The following ZNRF2 variants were observed in gnomAD, a reference collection of about 807,000 sequenced individuals.
The protein encoded by ZNRF2 is E3 ubiquitin-protein ligase ZNRF2.
Under a neutral mutation model 20.4 loss-of-function variants are expected in ZNRF2, and 16 were observed. The ratio of observed to expected loss-of-function variants is 0.79; its 90% CI spans 0.53 to 1.19. The LOEUF is 1.19. Ranked by LOEUF, ZNRF2 falls within the 50% of genes most tolerant of loss-of-function variation. ZNRF2 has a pLI of 0.00. For missense variants in ZNRF2, 363 were observed against 332.4 expected (o/e 1.09, Z -0.72); for synonymous variants, 178 against 144.9 (o/e 1.23, Z -1.64).
intron 2 of ZNRF2, among the ~76,000 whole-genome samples, chr7:30,345,609 C>G (rs546602731): frequency 1.3e-5 from 2 of 152,016 alleles, no homozygotes; most frequent in South Asian, 2.1e-4. Context: ...TTCCTTTCCT[C>G]CAGATTAATT....
At chr7:30,357,432 A>G (rs372986154) in intron 3 of ZNRF2, among the ~76,000 whole-genome samples, 6 of 152,232 alleles carry the variant, frequency 3.9e-5, no homozygotes, top group African/African-American at 1.4e-4. Context: ...TCAGAACTGA[A>G]TAACAGTGAT....
At chr7:30,285,896 A>G (rs1355203505) in intron 1 of ZNRF2, 70 bp downstream of exon 1, 4 of 1,358,618 alleles carry the variant, frequency 2.9e-6, no homozygotes, top group South Asian at 1.8e-5. Flanking sequence ...GCCGCCGGCT[A>G]TTTTTACCCT....
chr7:30,357,622 A>C (rs1207544218), intron 3 of ZNRF2, among the ~76,000 whole-genome samples: 1 of 152,168 alleles, frequency 6.6e-6, no homozygotes, highest in Non-Finnish European at 1.5e-5. Flanking sequence ...TTAAAATGAC[A>C]CACTAGAGAC....
Position 30,355,461 on chromosome 7 carries a change from A to G in ZNRF2, c.566-267A>G, listed in dbSNP as rs190753257. Among the ~76,000 whole-genome samples, 12 of 152,318 alleles carry G rather than the reference A, an allele frequency of 7.9e-5. No homozygotes were observed. In the East Asian group the frequency reaches 2.3e-3, roughly 29 times the overall value. The stretch of plus-strand genomic sequence containing the variant: ...AAAGTTATAGAGCAAAATCTGCCCA[A>G]TTTGGGTGATTCTGTACTGTTTTTG... On this transcript the variant is annotated intron_variant, in intron 2 of 4. Transcript: ENST00000323037.
At chr7:30,355,942 C>A in intron 3 of ZNRF2, 109 bp downstream of exon 3, 2 of 672,960 alleles carry the variant, frequency 3.0e-6, no homozygotes, top group South Asian at 2.0e-5. Context: ...CCCTGTCTCA[C>A]ACACACTTCT....
rs867226780 is a variant in ZNRF2 at position 30,301,329 on chromosome 7, A to G, written c.469+15503A>G. 3.9e-5 allele frequency among the ~76,000 whole-genome samples: 6 copies of G among 152,226 alleles called. No homozygotes were observed. In the Middle Eastern group the frequency reaches 0.01, roughly 259 times the overall value. Reference sequence around the variant, plus strand: ...GAAACCCCTTCTCTACTAAAATTATAAAAATCAGCTGGGTGTGGTGGCACA... The same window carrying G: ...GAAACCCCTTCTCTACTAAAATTATGAAAATCAGCTGGGTGTGGTGGCACA... On this transcript the variant is annotated intron_variant, in intron 1 of 4. Coordinates refer to ENST00000323037, the MANE Select transcript of ZNRF2 (RefSeq NM_147128.4).
intron 1 of ZNRF2, among the ~76,000 whole-genome samples, chr7:30,289,446 A>G (rs1798855555): frequency 6.6e-6 from 1 of 152,170 alleles, no homozygotes; most frequent in African/African-American, 2.4e-5. Context: ...AATTTGGGAT[A>G]TTGTAATTAA....
chr7:30,294,430 G>A (rs1798974110), intron 1 of ZNRF2, among the ~76,000 whole-genome samples: 1 of 152,128 alleles, frequency 6.6e-6, no homozygotes, highest in Non-Finnish European at 1.5e-5. Context: ...TTTAAAGTGT[G>A]GCTTTATTGT....
intron 2 of ZNRF2, among the ~76,000 whole-genome samples, chr7:30,347,986 T>C (rs990576916): frequency 2.0e-5 from 3 of 152,146 alleles, no homozygotes; most frequent in Non-Finnish European, 4.4e-5. Flanking sequence ...TGTTTTGCCT[T>C]AATATCTCAG....
At chr7:30,288,236 C>T (rs372955670) in intron 1 of ZNRF2, among the ~76,000 whole-genome samples, 1 of 152,128 alleles carries the variant, frequency 6.6e-6, no homozygotes, top group South Asian at 2.1e-4. Flanking sequence ...TATTCAGTTA[C>T]AAATTGTATA....
intron 3 of ZNRF2, among the ~76,000 whole-genome samples, chr7:30,358,919 A>G (rs1189717412): frequency 6.6e-6 from 1 of 152,220 alleles, no homozygotes; most frequent in African/African-American, 2.4e-5. Context: ...AATAGAAACA[A>G]CTTCATAGAG....
chr7:30,302,953 G>T (rs1234153706), intron 1 of ZNRF2, among the ~76,000 whole-genome samples: 2 of 152,156 alleles, frequency 1.3e-5, no homozygotes, highest in Non-Finnish European at 2.9e-5. Context: ...CTTCAGTAAC[G>T]GAGCAAGTTT....
At chr7:30,358,267 A>G (rs42581) in intron 3 of ZNRF2, among the ~76,000 whole-genome samples, 10,154 of 152,302 alleles carry the variant, frequency 0.067, 432 homozygotes, top group African/African-American at 0.11. Context: ...TTCATATTGC[A>G]ACAAGAAAAA....
intron 1 of ZNRF2, among the ~76,000 whole-genome samples, chr7:30,314,194 ATAT>A (rs1424795375): frequency 6.6e-6 from 1 of 152,182 alleles, no homozygotes; most frequent in Non-Finnish European, 1.5e-5. Flanking sequence ...AATTTTTATT[ATAT>A]TATTTGGTTG....
intron 1 of ZNRF2, among the ~76,000 whole-genome samples, chr7:30,316,288 C>CAA (rs60218988): frequency 0.065 from 1,802 of 27,552 alleles, 235 homozygotes; most frequent in Non-Finnish European, 0.098. Context: ...AACTCCATCT[C>CAA]AAAAAAAAAA....
chr7:30,359,354 G>A (rs1270826856), intron 3 of ZNRF2, among the ~76,000 whole-genome samples: 1 of 152,116 alleles, frequency 6.6e-6, no homozygotes, highest in Non-Finnish European at 1.5e-5. Context: ...CTTTATACTA[G>A]GATTGTTTTT....
intron 1 of ZNRF2, among the ~76,000 whole-genome samples, chr7:30,286,978 C>G (rs1798802484): frequency 6.6e-6 from 1 of 152,180 alleles, no homozygotes; most frequent in South Asian, 2.1e-4. Context: ...AGCACACACG[C>G]CAGCATAAAT....
At position 30,323,629 on chromosome 7, in the gene ZNRF2, T is replaced by TTTTG. The variant is rs1475499821; in HGVS notation, c.470-9_470-6dup. 6.5e-7 allele frequency: 1 copy of TTTTG among 1,545,314 alleles called. No homozygotes were observed. ...AGAATAGTTAAGTAACTTGAGTTTC[T>TTTTG]TTTGTTTTTTAGGATTTAAGTGCCC... On this transcript the variant is annotated splice_polypyrimidine_tract_variant and intron_variant, in intron 1 of 4. Coordinates refer to ENST00000323037, the MANE Select transcript of ZNRF2 (RefSeq NM_147128.4).
At chr7:30,310,810 T>C (rs906885440) in intron 1 of ZNRF2, among the ~76,000 whole-genome samples, 2 of 152,184 alleles carry the variant, frequency 1.3e-5, no homozygotes, top group East Asian at 3.9e-4. Context: ...TGAGAGTGGC[T>C]AATTAGGAGA....
Sources: gnomAD v4.1 joint callset for allele counts (sites outside exome capture counted in the v4.1 genomes callset) on GRCh38, gnomAD v4.1.1 for gene constraint, MANE v1.5 for transcripts, NCBI Gene and HGNC (gene_info 2026-07-23, HGNC 2026-07-21) for gene names.